The following SLCO4A1 variants were observed in gnomAD, a reference collection of about 807,000 sequenced individuals.
SLCO4A1 encodes the protein solute carrier organic anion transporter family member 4A1, also known as colon organic anion transporter.
A neutral mutation model predicts 64.6 loss-of-function variants in SLCO4A1; 51 were observed. That is an observed-to-expected ratio of 0.79 (90% CI 0.63 to 1.00). SLCO4A1 has a LOEUF of 1.00. Among genes scored for constraint, SLCO4A1 ranks in the 50% least tolerant of loss-of-function variants. The probability of loss-of-function intolerance (pLI) is 0.00; values close to 1 mark genes in which losing one functional copy is unlikely to be tolerated. For synonymous variants in SLCO4A1, 471 were observed against 444.9 expected, an observed-to-expected ratio of 1.06 and a Z score of -0.74; for missense variants, 919 against 980.5, an observed-to-expected ratio of 0.94 and a Z score of 0.84.
At chr20:62,679,916 C>G (rs964617653) in intron 2 of SLCO4A1, among the ~76,000 whole-genome samples, 4 of 152,214 alleles carry the variant, frequency 2.6e-5, no homozygotes, top group African/African-American at 9.7e-5. Flanking sequence ...AAGGAAAGGT[C>G]TGCAGTGGAT....
chr20:62,675,467 C>T (rs1010378132), downstream of SLCO4A1, among the ~76,000 whole-genome samples: 4 of 152,202 alleles, frequency 2.6e-5, no homozygotes, highest in Non-Finnish European at 5.9e-5. Flanking sequence ...CTCCCCTTGC[C>T]TTCCCCATTG....
Position 62,672,252 on chromosome 20 carries a change from T to C in SLCO4A1, c.*359T>C. The C allele has an allele frequency of 1.6e-6, 2 of 1,213,182 alleles. No homozygotes were observed. The highest frequency in any genetic ancestry group is 2.1e-6 in the Non-Finnish European group (2 of 963,974). 75.2% of individuals were successfully genotyped at this position (1,213,182 alleles called of 1,614,324 possible). ...TGAGGAAGGCTTGTGTGTCCTCAGT[T>C]AAAACTGTGCATATCGAAATATATT... On this transcript the variant is annotated 3_prime_UTR_variant, in exon 12 of 12. Coordinates refer to ENST00000217159, the MANE Select transcript of SLCO4A1 (RefSeq NM_016354.4).
At chr20:62,674,646 GGC>G (rs750112199), downstream of SLCO4A1, among the ~76,000 whole-genome samples, 28 of 152,232 alleles carry the variant, frequency 1.8e-4, no homozygotes, top group Non-Finnish European at 3.7e-4. Context: ...AATGGGCAGA[GGC>G]AGGGGCTGTG....
At chr20:62,660,627 C>T in intron 4 of SLCO4A1, 94 bp downstream of exon 4, 1 of 1,422,132 alleles carries the variant, frequency 7.0e-7, no homozygotes, top group Non-Finnish European at 9.7e-7. Flanking sequence ...TGTCTTTTTC[C>T]CCGCCATGAT....
chr20:62,671,875 G>A lies in SLCO4A1; in HGVS notation c.2151G>A (p.Gln717=). The A allele has an allele frequency of 6.2e-7, 1 of 1,612,416 alleles. No individual in the cohort carries two copies. The highest frequency in any genetic ancestry group is 8.5e-7 in the Non-Finnish European group (1 of 1,180,036). ...CCCCTGACAGTGCCACAGATAGCCAGCTCCAGAGCAGCGTCTGACCACCGC... is the reference window on the plus strand; with the variant it reads ...CCCCTGACAGTGCCACAGATAGCCAACTCCAGAGCAGCGTCTGACCACCGC... The part of the protein sequence containing the change: ...SSAPDSATDS[Q]LQSSV Residue 717 remains glutamine, a synonymous_variant, in exon 12 of 12, where the codon CAG becomes CAA. Coordinates refer to ENST00000217159, the MANE Select transcript of SLCO4A1 (RefSeq NM_016354.4).
At chr20:62,652,103 G>A (rs1051867298) in intron 1 of SLCO4A1, 2 of 148,588 alleles carry the variant, frequency 1.3e-5, no homozygotes, top group East Asian at 2.0e-4. Flanking sequence ...GCAGCTAGGC[G>A]GAACCTCTGA....
intron 2 of SLCO4A1, among the ~76,000 whole-genome samples, chr20:62,658,320 C>T (rs1256290523): frequency 6.6e-6 from 1 of 152,186 alleles, no homozygotes; most frequent in Non-Finnish European, 1.5e-5. Flanking sequence ...CGTGGCTGGG[C>T]GGAGGGGCTC....
At position 62,681,512 on chromosome 20, in the gene SLCO4A1, G is replaced by A. The variant is rs556621513; in HGVS notation, n.212-3929G>A. ...TGTGTACACACTCATGTGTGCGCGT[G>A]TTTATTAAGCCGTGTGTACACACTC... On this transcript the variant is annotated intron_variant and non_coding_transcript_variant, in intron 2 of 2. Transcript: ENST00000466818. 7.2e-5 allele frequency among the ~76,000 whole-genome samples: 8 copies of A among 111,450 alleles called. No homozygotes were observed. In the South Asian group the frequency reaches 1.0e-3, roughly 14 times the overall value. The allele number at this position is 111,450 out of a possible 152,430, so 73.1% of individuals were successfully genotyped here.
intron 2 of SLCO4A1, among the ~76,000 whole-genome samples, chr20:62,682,117 A>G (rs1255075127): frequency 6.6e-6 from 1 of 152,162 alleles, no homozygotes; most frequent in Non-Finnish European, 1.5e-5. Flanking sequence ...TGCTCTTTGA[A>G]AGGGGAGCCG....
At chr20:62,665,322 C>G (rs984324404) in intron 6 of SLCO4A1, 3 of 505,376 alleles carry the variant, frequency 5.9e-6, no homozygotes, top group Admixed American at 3.8e-5. Flanking sequence ...GTGGAAGGGT[C>G]CACGGTGGGC....
At chr20:62,675,232 A>C (rs567296199), downstream of SLCO4A1, among the ~76,000 whole-genome samples, 1 of 152,180 alleles carries the variant, frequency 6.6e-6, no homozygotes, top group Non-Finnish European at 1.5e-5. Flanking sequence ...TGGGCTGCTC[A>C]TCGGCATTGC....
At chr20:62,665,240 G>A (rs935620695) in intron 6 of SLCO4A1, 152 bp downstream of exon 6, 8 of 797,100 alleles carry the variant, frequency 1.0e-5, no homozygotes, top group Admixed American at 9.0e-5. Flanking sequence ...AGAGCGCCAC[G>A]GGGGCTGAGC....
At chr20:62,688,128 A>G (rs976027449), downstream of SLCO4A1, among the ~76,000 whole-genome samples, 5 of 152,188 alleles carry the variant, frequency 3.3e-5, no homozygotes, top group South Asian at 1.0e-3. Flanking sequence ...CTACACACAC[A>G]CACACGTGCA....
downstream of SLCO4A1, among the ~76,000 whole-genome samples, chr20:62,674,050 G>A (rs1011537341): frequency 2.0e-5 from 3 of 152,238 alleles, no homozygotes; most frequent in African/African-American, 7.2e-5. Flanking sequence ...GCTGGGGCAG[G>A]AGGGAATCAG....
rs544328622 is a variant in SLCO4A1 at position 62,666,234 on chromosome 20, G to C, written c.1277-146G>C. 3.1e-5 allele frequency: 20 copies of C among 635,016 alleles called. No homozygotes were observed. In the East Asian group the frequency reaches 5.4e-4, roughly 17 times the overall value. 39.3% of individuals were successfully genotyped at this position (635,016 alleles called of 1,614,324 possible). A position where few individuals can be genotyped will look rare whatever the true frequency, so the allele number is the denominator to read the frequency against. ...CAGCGCAACAGCTAAGCACTCAGGTGTGGTGTTGAGTGCTGCCATGCAGGC... is the reference window on the plus strand; with the variant it reads ...CAGCGCAACAGCTAAGCACTCAGGTCTGGTGTTGAGTGCTGCCATGCAGGC... On this transcript the variant is annotated intron_variant, in intron 6 of 11. Transcript: ENST00000217159.
At position 62,671,876 on chromosome 20, in the gene SLCO4A1, C is replaced by T; in HGVS notation, c.2152C>T (p.Leu718Phe). The change falls in exon 12 of 12, where the codon CTC becomes TTC. Residue 718 changes from leucine to phenylalanine, a missense_variant. Leu to Phe is a conservative substitution (Grantham distance 22). Coordinates refer to ENST00000217159, the MANE Select transcript of SLCO4A1 (RefSeq NM_016354.4). ...CCCTGACAGTGCCACAGATAGCCAG[C>T]TCCAGAGCAGCGTCTGACCACCGCC... ...SAPDSATDSQ[L>F]QSSV The T allele has an allele frequency of 1.2e-6, 2 of 1,612,374 alleles. No individual in the cohort carries two copies. The highest frequency in any genetic ancestry group is 1.7e-6 in the Non-Finnish European group (2 of 1,180,030).
chr20:62,667,788 G>T lies in SLCO4A1; in HGVS notation c.1516G>T (p.Ala506Ser). 6.2e-7 allele frequency: 1 copy of T among 1,611,818 alleles called. No individual in the cohort carries two copies. The highest frequency in any genetic ancestry group is 8.5e-7 in the Non-Finnish European group (1 of 1,179,778). ...GHLNLTAPCN[A>S]ACSCQPEHYS... is the part of the protein sequence containing the mutation. ...CCTGAACCTAACGGCTCCCTGCAAC[G>T]CTGCCTGCAGCTGCCAGCCAGAACA... The change falls in exon 8 of 12, where the codon GCT (alanine) becomes TCT (serine). Residue 506 changes from alanine to serine, a missense_variant. By Grantham distance (99) the Ala-to-Ser change is moderately conservative. Transcript: ENST00000217159.
chr20:62,667,896 G>T lies in SLCO4A1; in HGVS notation c.1624G>T (p.Val542Leu). The change falls in exon 8 of 12, where the codon GTG becomes TTG. Residue 542 changes from valine (V) to leucine (L), a missense_variant. Transcript: ENST00000217159. The stretch of plus-strand genomic sequence containing the variant: ...GTGCCCTGCAGCCACGGAGACGAAT[G>T]TGGACGGCCAGAAGGTGAGTGGAGC... ...AGCPAATETN[V>L]DGQKVYRDCS... The T allele has an allele frequency of 1.2e-6, 2 of 1,614,006 alleles. No individual in the cohort carries two copies. The highest frequency in any genetic ancestry group is 4.5e-5 in the East Asian group (2 of 44,890).
At chr20:62,677,830 C>T (rs1431129572) in intron 2 of SLCO4A1, among the ~76,000 whole-genome samples, 5 of 152,348 alleles carry the variant, frequency 3.3e-5, no homozygotes, top group African/African-American at 1.2e-4. Flanking sequence ...TGGGAGCCCC[C>T]GCTCTGGCAC....
Sources: allele counts gnomAD v4.1 joint callset (sites outside exome capture counted in the v4.1 genomes callset), GRCh38; gene constraint gnomAD v4.1.1; transcripts MANE v1.5; gene names NCBI Gene and HGNC (gene_info 2026-07-23, HGNC 2026-07-21).